The following PON2 variants were observed in gnomAD, a reference collection of about 807,000 sequenced individuals.
PON2 encodes the protein serum paraoxonase/arylesterase 2.
PON2 carries 27 observed loss-of-function variants against 36.6 expected under a neutral mutation model. That is an observed-to-expected ratio of 0.74 (90% confidence interval 0.54 to 1.02). The LOEUF (loss-of-function observed/expected upper bound fraction) is 1.02, where lower values mean the gene tolerates loss of function less well. Ranked by LOEUF, PON2 falls within the 50% of genes least tolerant of loss-of-function variation. The pLI is 0.00. For synonymous variants in PON2, 149 were observed against 156.3 expected (o/e 0.95, Z 0.35); for missense variants, 363 against 421.1 (o/e 0.86, Z 1.21).
At chr7:95,430,986 G>A (rs1382426492) in intron 1 of PON2, among the ~76,000 whole-genome samples, 3 of 151,876 alleles carry the variant, frequency 2.0e-5, no homozygotes, top group East Asian at 1.9e-4. Flanking sequence ...TAAAAGGTGC[G>A]AGGCAGCAAG....
intron 2 of PON2, among the ~76,000 whole-genome samples, chr7:95,417,342 T>C (rs1009128247): frequency 2.6e-5 from 4 of 152,088 alleles, no homozygotes; most frequent in African/African-American, 9.7e-5. Flanking sequence ...AGATGACCCA[T>C]CTGCCTGCTC....
intron 1 of PON2, among the ~76,000 whole-genome samples, chr7:95,426,721 TTA>T (rs1473742982): frequency 3.3e-5 from 5 of 152,230 alleles, no homozygotes; most frequent in African/African-American, 1.2e-4. Flanking sequence ...TCTACAAATG[TTA>T]TATGACTCCA....
chr7:95,405,449 CTGTAGGCTTCTCAGATAGAA>C lies in PON2; in HGVS notation c.926_945del (p.Ile309SerfsTer22). 3 of 1,613,622 alleles carry C rather than the reference CTGTAGGCTTCTCAGATAGAA, an allele frequency of 1.9e-6. No individual in the cohort carries two copies. The highest frequency in any genetic ancestry group is 2.5e-6 in the Non-Finnish European group (3 of 1,179,592). On this transcript the variant is annotated frameshift_variant, in exon 9 of 9. Transcript: ENST00000222572. LOFTEE classifies it high-confidence loss of function. ...CCATTGTTGGCATAAACTGTAGTCA[CTGTAGGCTTCTCAGATAGAA>C]TGTTCTGGATGCGGAGAACCTATTC...
At chr7:95,423,997 C>T (rs1037165431) in intron 2 of PON2, among the ~76,000 whole-genome samples, 1 of 152,186 alleles carries the variant, frequency 6.6e-6, no homozygotes, top group Non-Finnish European at 1.5e-5. Flanking sequence ...TCAATGACCT[C>T]TCACTGGGTC....
Position 95,410,042 on chromosome 7 carries a change from A to G in PON2, c.554T>C (p.Phe185Ser). 1 of 1,613,842 alleles carries G rather than the reference A, an allele frequency of 6.2e-7. No homozygotes were observed. The highest frequency in any genetic ancestry group is 8.5e-7 in the Non-Finnish European group (1 of 1,179,838). ...AHFYATNDHY[F>S]SDPFLKYLET... ...TAAATACTTTAAGAAAGGATCAGAG[A>G]AGTAGTGGTCATTTGTGGCATAGAA... is the stretch of plus-strand genomic sequence containing the variant. Residue 185 changes from phenylalanine (F) to serine (S), a missense_variant, in exon 6 of 9, where the codon TTC becomes TCC. Transcript: ENST00000222572.
chr7:95,416,047 A>G (rs1789055403), intron 3 of PON2, 195 bp downstream of exon 3: 1 of 930,946 alleles, frequency 1.1e-6, no homozygotes, highest in Middle Eastern at 2.2e-4. Flanking sequence ...AAAGAACACT[A>G]TCTCAATGGG....
intron 2 of PON2, among the ~76,000 whole-genome samples, chr7:95,417,200 G>A (rs2116477760): frequency 6.6e-6 from 1 of 152,272 alleles, no homozygotes; most frequent in African/African-American, 2.4e-5. Flanking sequence ...AAACCAAACA[G>A]CATCTATCTA....
rs1328969666 is a variant in PON2 at position 95,426,935 on chromosome 7, CAT to C, written c.75-2352_75-2351del. 9.9e-5 allele frequency among the ~76,000 whole-genome samples: 15 copies of C among 152,266 alleles called. No homozygotes were observed. In the South Asian group the frequency reaches 1.7e-3, roughly 17 times the overall value. ...ATTAAATAAAATCTGTTCAAAGTAA[CAT>C]ATTCTGATGTGTTTGAAAAGTTTAA... On this transcript the variant is annotated intron_variant, in intron 1 of 8. Transcript: ENST00000222572.
At chr7:95,408,179 A>C (rs1313303979) in intron 6 of PON2, among the ~76,000 whole-genome samples, 5 of 152,222 alleles carry the variant, frequency 3.3e-5, no homozygotes, top group African/African-American at 1.2e-4. Flanking sequence ...CTGGCACTGT[A>C]CTGGCATAAG....
At chr7:95,428,408 A>G (rs1029173723) in intron 1 of PON2, among the ~76,000 whole-genome samples, 26 of 152,128 alleles carry the variant, frequency 1.7e-4, no homozygotes, top group Admixed American at 2.0e-4. Flanking sequence ...TGGATGGGGG[A>G]AAAATACATC....
Position 95,413,138 on chromosome 7 carries a change from A to C in PON2, c.202-661T>G, listed in dbSNP as rs950446309. The C allele has an allele frequency of 1.9e-5, 3 of 154,388 alleles. No individual in the cohort carries two copies. In the Admixed American group the frequency reaches 2.0e-4, roughly 10 times the overall value. 9.6% of individuals were successfully genotyped at this position (154,388 alleles called of 1,614,324 possible). On this transcript the variant is annotated intron_variant, in intron 3 of 8. Transcript: ENST00000222572. ...TACAAAAAAAAAAAAAAAAAAAAAA[A>C]AAAAAATTAGCTGAGTGTTATGGTG...
rs568985273 is a variant in PON2 at position 95,435,003 on chromosome 7, G to C, written c.-52C>G. 375 of 1,482,228 alleles carry C rather than the reference G, an allele frequency of 2.5e-4. No homozygotes were observed. The Middle Eastern group carries it at 2.8e-3, about 11-fold the overall frequency. The allele number at this position is 1,482,228 out of a possible 1,614,324, so 91.8% of individuals were successfully genotyped here. A position where few individuals can be genotyped will look rare whatever the true frequency, so the allele number is the denominator to read the frequency against. ...GCTCCGGCCTGGCCAGCAGCTCCGT[G>C]GGCGGTGCCATCTTCCCGGCTCGAT... is the stretch of plus-strand genomic sequence containing the variant. On this transcript the variant is annotated 5_prime_UTR_variant, in exon 1 of 9. Transcript: ENST00000222572.
At chr7:95,431,991 CCA>C (rs1034779565) in intron 1 of PON2, among the ~76,000 whole-genome samples, 5 of 152,072 alleles carry the variant, frequency 3.3e-5, no homozygotes, top group African/African-American at 1.2e-4. Flanking sequence ...ATCCAGCCAC[CCA>C]CCACCTACCC....
At chr7:95,424,988 G>C (rs1789282122) in intron 1 of PON2, among the ~76,000 whole-genome samples, 1 of 152,114 alleles carries the variant, frequency 6.6e-6, no homozygotes, top group Non-Finnish European at 1.5e-5. Flanking sequence ...AAAAATGACT[G>C]TAAGCCTCAC....
chr7:95,426,815 C>A (rs1789328033), intron 1 of PON2, among the ~76,000 whole-genome samples: 1 of 152,172 alleles, frequency 6.6e-6, no homozygotes, highest in Non-Finnish European at 1.5e-5. Context: ...GTTTGGATGT[C>A]AATTTTACAC....
At chr7:95,416,388 T>G in intron 2 of PON2, 91 bp from the exon 3 acceptor site, 1 of 1,401,154 alleles carries the variant, frequency 7.1e-7, no homozygotes, top group Non-Finnish European at 1.0e-6. Context: ...TTTATCAGAG[T>G]GACTGTATCT....
chr7:95,416,300 G>GT lies in PON2; in HGVS notation c.146-4dup. The GT allele has an allele frequency of 6.2e-7, 1 of 1,613,574 alleles. No individual in the cohort carries two copies. The highest frequency in any genetic ancestry group is 1.1e-5 in the South Asian group (1 of 91,060). ...GTCAATATCTTCAGAGCCAGCTTCTGTAAGTTTAAGGAACAGATAAATGTC... is the reference window on the plus strand; with the variant it reads ...GTCAATATCTTCAGAGCCAGCTTCTGTTAAGTTTAAGGAACAGATAAATGTC... On this transcript the variant is annotated splice_region_variant and splice_polypyrimidine_tract_variant and intron_variant, in intron 2 of 8. Transcript: ENST00000222572.
intron 8 of PON2, 152 bp from the exon 9 acceptor site, chr7:95,405,640 G>C (rs1004636499): frequency 8.7e-6 from 7 of 801,396 alleles, no homozygotes; most frequent in Admixed American, 8.6e-5. Context: ...TTAAATTAAA[G>C]TACTTTCTCC....
chr7:95,431,992 C>T (rs1585768375), intron 1 of PON2, among the ~76,000 whole-genome samples: 1 of 151,828 alleles, frequency 6.6e-6, no homozygotes, highest in African/African-American at 2.4e-5. Context: ...TCCAGCCACC[C>T]ACCACCTACC....
Sources: allele counts gnomAD v4.1 joint callset (sites outside exome capture counted in the v4.1 genomes callset), GRCh38; gene constraint gnomAD v4.1.1; transcripts MANE v1.5; gene names NCBI Gene and HGNC (gene_info 2026-07-23, HGNC 2026-07-21).